NOTCH2NLB: variants seen among roughly 807,000 people sequenced by gnomAD.
NOTCH2NLB encodes notch homolog 2 N-terminal-like protein B.
In NOTCH2NLB, 1 loss-of-function variant was observed where a neutral mutation model predicts 14.8. The ratio of observed to expected loss-of-function variants is 0.07; its 90% CI spans 0.02 to 0.32. The LOEUF is 0.32. Ranked by LOEUF, NOTCH2NLB falls within the 10% of genes least tolerant of loss-of-function variation. The pLI, the probability that NOTCH2NLB is intolerant of heterozygous loss-of-function variation, is 1.00. For missense variants in NOTCH2NLB, 11 were observed against 155.0 expected (o/e 0.07, Z 4.93); for synonymous variants, 6 against 57.5 (o/e 0.10, Z 4.05).
intron 2 of NOTCH2NLB, among the ~76,000 whole-genome samples, chr1:148,637,775 A>G: frequency 1.8e-5 from 2 of 113,344 alleles, no homozygotes; most frequent in Non-Finnish European, 3.4e-5. Flanking sequence ...CCAGTGTGTG[A>G]TGTTCCCCTC....
intron 1 of NOTCH2NLB, among the ~76,000 whole-genome samples, chr1:148,679,230 AGCAG>A (rs1664879705): frequency 4.7e-5 from 1 of 21,334 alleles, no homozygotes; most frequent in Non-Finnish European, 9.8e-5. Flanking sequence ...GGCCGCGGGG[AGCAG>A]AGGCGGCGGG....
intron 3 of NOTCH2NLB, among the ~76,000 whole-genome samples, chr1:148,609,085 C>A (rs1445081818): frequency 7.4e-6 from 1 of 135,110 alleles, no homozygotes; most frequent in African/African-American, 2.9e-5. Context: ...GATAAGAACT[C>A]CTTGAATTAT....
chr1:148,633,217 T>C (rs1664144693), intron 2 of NOTCH2NLB, among the ~76,000 whole-genome samples: 1 of 126,628 alleles, frequency 7.9e-6, no homozygotes, highest in Non-Finnish European at 1.6e-5. Context: ...CAATTGTTAA[T>C]AGGAATCAGG....
chr1:148,626,226 AAG>A (rs1663981871), intron 2 of NOTCH2NLB, among the ~76,000 whole-genome samples: 1 of 110,588 alleles, frequency 9.0e-6, no homozygotes, highest in Non-Finnish European at 1.9e-5. Context: ...CTTCCTGGTA[AAG>A]AGGGGAAAAA....
At chr1:148,701,438 CT>C in the NOTCH2NLB span, among the ~76,000 whole-genome samples, 2 of 96,874 alleles carry the variant, frequency 2.1e-5, no homozygotes, top group Admixed American at 1.1e-4. Context: ...CTTTCAGGAC[CT>C]TTTTTTCAAT....
chr1:148,707,631 AGTTAGGCGGGCGTG>A, the NOTCH2NLB span, among the ~76,000 whole-genome samples: 1 of 136,312 alleles, frequency 7.3e-6, no homozygotes, highest in South Asian at 2.4e-4. Flanking sequence ...AAAATACAAA[AGTTAGGCGGGCGTG>A]GTGGCGGGTG....
chr1:148,679,751 C>A lies in NOTCH2NLB; in HGVS notation c.-287G>T. 2 of 896,868 alleles carry A rather than the reference C, an allele frequency of 2.2e-6. 1 individual carries two copies. The highest frequency in any genetic ancestry group is 2.8e-6 in the Non-Finnish European group (2 of 702,520). The allele number at this position is 896,868 out of a possible 1,614,324, so 55.6% of individuals were successfully genotyped here. A position where few individuals can be genotyped will look rare whatever the true frequency, so the allele number is the denominator to read the frequency against. ...TCAGCCGCCCGAAGTTTGGCTGAAA[C>A]TTTCTCGGGTGTGCAGCGAAGCAGC... On this transcript the variant is annotated 5_prime_UTR_variant, in exon 1 of 5. Transcript: ENST00000593495.
At chr1:148,645,856 T>C (rs1664359759) in intron 1 of NOTCH2NLB, among the ~76,000 whole-genome samples, 1 of 150,840 alleles carries the variant, frequency 6.6e-6, no homozygotes, top group Admixed American at 6.6e-5. Context: ...TCCTGGGATA[T>C]GGAAAACATT....
chr1:148,679,718 C>T, exon 1 of NOTCH2NLB: 2 of 1,015,190 alleles, frequency 2.0e-6, no homozygotes, highest in Non-Finnish European at 2.5e-6. Context: ...CGCTCCTCGG[C>T]CGCCGCCTCA....
At chr1:148,638,322 C>CA in intron 2 of NOTCH2NLB, among the ~76,000 whole-genome samples, 1 of 149,144 alleles carries the variant, frequency 6.7e-6, no homozygotes, top group East Asian at 1.9e-4. Flanking sequence ...ATTAACTATG[C>CA]AAAAAATGCA....
At chr1:148,608,631 A>G (rs1218057966) in intron 3 of NOTCH2NLB, among the ~76,000 whole-genome samples, 3 of 151,054 alleles carry the variant, frequency 2.0e-5, no homozygotes, top group Admixed American at 6.6e-5. Flanking sequence ...AAATATATCG[A>G]TATTTTCCAC....
Position 148,660,521 on chromosome 1 carries a change from C to T in NOTCH2NLB, c.3+18941G>A, listed in dbSNP as rs1227243086. On this transcript the variant is annotated intron_variant, in intron 1 of 4. Transcript: ENST00000593495. ...CTGGCTATGGAGTCATGTGACTCTG[C>T]ATTAGATCTCATGGGGTCTCTGTCT... is the stretch of plus-strand genomic sequence containing the variant. 2.7e-5 allele frequency among the ~76,000 whole-genome samples: 4 copies of T among 147,104 alleles called. 1 individual carries two copies. The East Asian group carries it at 7.8e-4, about 29-fold the overall frequency.
At chr1:148,638,648 C>G (rs1367716552) in intron 2 of NOTCH2NLB, among the ~76,000 whole-genome samples, 5 of 149,224 alleles carry the variant, frequency 3.4e-5, no homozygotes, top group African/African-American at 1.3e-4. Context: ...TTACTCCAAT[C>G]CAAACAACCT....
intron 2 of NOTCH2NLB, among the ~76,000 whole-genome samples, chr1:148,633,346 G>GAT (rs1480523510): frequency 8.9e-6 from 1 of 111,924 alleles, no homozygotes; most frequent in Non-Finnish European, 1.7e-5. Flanking sequence ...GAGGTCAGGA[G>GAT]ATAGAGACCA....
chr1:148,633,350 G>C (rs1281442562), intron 2 of NOTCH2NLB, among the ~76,000 whole-genome samples: 2 of 110,762 alleles, frequency 1.8e-5, no homozygotes, highest in Non-Finnish European at 3.5e-5. Context: ...TCAGGAGATA[G>C]AGACCATCCT....
At position 148,625,445 on chromosome 1, in the gene NOTCH2NLB, G is replaced by C. The variant is rs1212216184; in HGVS notation, c.78-9495C>G. Among the ~76,000 whole-genome samples, 12 of 94,776 alleles carry C rather than the reference G, an allele frequency of 1.3e-4. 1 individual carries two copies. Among genetic ancestry groups the C allele is most frequent in the Non-Finnish European group, 2.4e-4 (12 of 50,386 alleles). 62.2% of individuals were successfully genotyped at this position (94,776 alleles called of 152,430 possible). A position where few individuals can be genotyped will look rare whatever the true frequency, so the allele number is the denominator to read the frequency against. On this transcript the variant is annotated intron_variant, in intron 2 of 4. Transcript: ENST00000593495. Reference sequence around the variant, plus strand: ...CATACAAGAAGAAAAAGAGAGGCATGCTTTACAAAACAGCTATTTCAAAGT... The same window carrying C: ...CATACAAGAAGAAAAAGAGAGGCATCCTTTACAAAACAGCTATTTCAAAGT...
the NOTCH2NLB span, among the ~76,000 whole-genome samples, chr1:148,703,207 G>C: frequency 3.5e-5 from 3 of 86,120 alleles, no homozygotes; most frequent in Non-Finnish European, 4.9e-5. Flanking sequence ...GGAGAATGGC[G>C]TGAACCCAGG....
downstream of NOTCH2NLB, among the ~76,000 whole-genome samples, chr1:148,602,279 AAG>A (rs1189012551): frequency 3.4e-5 from 2 of 58,128 alleles, no homozygotes; most frequent in Admixed American, 1.7e-4. Context: ...AAAAAAAAAA[AAG>A]AAAAGAAAAG....
intron 3 of NOTCH2NLB, among the ~76,000 whole-genome samples, chr1:148,610,327 A>AAGAAAGAC: frequency 2.0e-5 from 1 of 48,790 alleles, no homozygotes; most frequent in Non-Finnish European, 4.3e-5. Context: ...AAGAGAGAGA[A>AAGAAAGAC]AGAAAGAAAG....
Sources: allele counts gnomAD v4.1 joint callset (sites outside exome capture counted in the v4.1 genomes callset), GRCh38; gene constraint gnomAD v4.1.1; transcripts MANE v1.5; gene names NCBI Gene and HGNC (gene_info 2026-07-23, HGNC 2026-07-21).